Variants in MALRD1 observed in about 807,000 individuals in gnomAD.
MALRD1 encodes MAM and LDL receptor class A domain containing 1.
In MALRD1, 247 loss-of-function variants were observed where a neutral mutation model predicts 242.1. The observed-to-expected ratio is 1.02, with a 90% CI of 0.92 to 1.13. MALRD1 has a LOEUF of 1.13. MALRD1 is among the 50% of genes most tolerant of loss of function. The pLI is 0.00. For missense variants in MALRD1, 2,989 were observed against 2,533.1 expected (o/e 1.18, Z -3.86); for synonymous variants, 995 against 866.6 (o/e 1.15, Z -2.60).
intron 5 of MALRD1, among the ~76,000 whole-genome samples, chr10:19,118,921 G>T (rs1473338472): frequency 6.6e-6 from 1 of 152,174 alleles, no homozygotes; most frequent in East Asian, 1.9e-4. Flanking sequence ...CCATGGAAGG[G>T]CTTTAAGCAG....
intron 38 of MALRD1, among the ~76,000 whole-genome samples, chr10:19,713,116 C>A (rs916785105): frequency 1.3e-5 from 2 of 152,192 alleles, no homozygotes; most frequent in South Asian, 2.1e-4. Flanking sequence ...CTTCTTTCTT[C>A]TACCTTCTTC....
Position 19,701,354 on chromosome 10 carries a change from C to T in MALRD1, c.6314+8800C>T, listed in dbSNP as rs549875751. Reference sequence around the variant, plus strand: ...AGTGACCTCATAAGTGGATGCGGCCCGGATAGTTCTGGGGAATCATTTTGC... The same window carrying T: ...AGTGACCTCATAAGTGGATGCGGCCTGGATAGTTCTGGGGAATCATTTTGC... On this transcript the variant is annotated intron_variant, in intron 38 of 39. Transcript: ENST00000454679. Among the ~76,000 whole-genome samples, 13 of 152,092 alleles carry T rather than the reference C, an allele frequency of 8.5e-5. 1 individual carries two copies. In the South Asian group the frequency reaches 2.1e-3, roughly 24 times the overall value.
intron 33 of MALRD1, among the ~76,000 whole-genome samples, chr10:19,587,142 G>A (rs144766595): frequency 0.015 from 2,260 of 152,324 alleles, 31 homozygotes; most frequent in Non-Finnish European, 0.024. Context: ...TCCCTAGTGA[G>A]ATGAACCCGG....
chr10:19,596,985 A>G (rs1838131359), intron 34 of MALRD1, among the ~76,000 whole-genome samples: 1 of 152,150 alleles, frequency 6.6e-6, no homozygotes, highest in African/African-American at 2.4e-5. Context: ...TTGGAAGAAG[A>G]GTAAAGATGA....
At chr10:19,573,418 A>G (rs574451532) in intron 33 of MALRD1, among the ~76,000 whole-genome samples, 159 of 152,246 alleles carry the variant, frequency 1.0e-3, no homozygotes, top group Non-Finnish European at 2.0e-3. Flanking sequence ...GGCAGAAGAG[A>G]CAGCAAGGAA....
chr10:19,193,032 G>C (rs758000775), intron 14 of MALRD1, among the ~76,000 whole-genome samples: 13 of 151,970 alleles, frequency 8.6e-5, no homozygotes, highest in Non-Finnish European at 1.5e-4. Flanking sequence ...GTTCTTTTGT[G>C]CTCACAGGGA....
intron 38 of MALRD1, among the ~76,000 whole-genome samples, chr10:19,705,245 A>G (rs1468042741): frequency 1.3e-5 from 2 of 152,146 alleles, no homozygotes; most frequent in East Asian, 3.9e-4. Context: ...ACCGATGAAT[A>G]TTTATCCTTA....
intron 36 of MALRD1, among the ~76,000 whole-genome samples, chr10:19,637,449 G>C (rs1840188503): frequency 6.6e-6 from 1 of 152,140 alleles, no homozygotes; most frequent in Non-Finnish European, 1.5e-5. Context: ...ATTGTCACCA[G>C]GTAAAGTGAC....
chr10:19,496,773 T>G (rs2131239504), intron 30 of MALRD1, among the ~76,000 whole-genome samples: 1 of 152,220 alleles, frequency 6.6e-6, no homozygotes, highest in Non-Finnish European at 1.5e-5. Context: ...TTTAAATTAA[T>G]AGGGTCAGCC....
At chr10:19,357,615 A>T (rs114681562) in intron 26 of MALRD1, among the ~76,000 whole-genome samples, 2,682 of 152,200 alleles carry the variant, frequency 0.018, 68 homozygotes, top group African/African-American at 0.059. Flanking sequence ...TTGATGTCTC[A>T]TGAGTAGTGT....
chr10:19,628,866 G>A (rs1410738338), intron 36 of MALRD1, among the ~76,000 whole-genome samples: 4 of 152,092 alleles, frequency 2.6e-5, no homozygotes, highest in Admixed American at 2.0e-4. Context: ...AGTGTCCTGC[G>A]GATGAATGTG....
At chr10:19,069,632 C>T (rs931857463) in intron 2 of MALRD1, among the ~76,000 whole-genome samples, 3 of 151,582 alleles carry the variant, frequency 2.0e-5, no homozygotes, top group Non-Finnish European at 4.4e-5. Flanking sequence ...ATTTTGCCTT[C>T]ATTCTTGAAA....
rs187028362 is a variant in MALRD1, at chr10:19,498,500, C to A, written c.5174C>A (p.Thr1725Lys). 9.0e-6 allele frequency: 14 copies of A among 1,550,030 alleles called. No homozygotes were observed. The highest frequency in any genetic ancestry group is 1.2e-5 in the Non-Finnish European group (14 of 1,146,728). ...GCTTCCCCAGCACATTATACAAGCA[C>A]AACAGGAAGCTGCAATTTTGAAACA... Reference protein sequence around the residue: ...DEAHCAHYTSTTGSCNFETSS... With the variant: ...DEAHCAHYTSKTGSCNFETSS... Residue 1725 changes from threonine (T) to lysine (K), a missense_variant, in exon 31 of 40, where the codon ACA becomes AAA. Coordinates refer to ENST00000454679, the MANE Select transcript of MALRD1 (RefSeq NM_001142308.3).
At chr10:19,311,625 C>A (rs530150991) in intron 21 of MALRD1, among the ~76,000 whole-genome samples, 1 of 151,384 alleles carries the variant, frequency 6.6e-6, no homozygotes, top group East Asian at 1.9e-4. Context: ...AAATTATGAA[C>A]AATCTATATG....
At position 19,730,715 on chromosome 10, in the gene MALRD1, G is replaced by C; in HGVS notation, c.6324G>C (p.Glu2108Asp). 6.5e-7 allele frequency: 1 copy of C among 1,536,610 alleles called. No homozygotes were observed. Among genetic ancestry groups the C allele is most frequent in the Non-Finnish European group, 8.7e-7 (1 of 1,147,012 alleles). Reference sequence around the variant, plus strand: ...CCCTGTGTGCTTTAAGGAAAACCGAGGGAAGTGGTAACTGTGCCTTTGTCA... The same window carrying C: ...CCCTGTGTGCTTTAAGGAAAACCGACGGAAGTGGTAACTGTGCCTTTGTCA... ...ANRKVPIRKT[E>D]GSGNCAFVNP... Residue 2108 changes from glutamate to aspartate, a missense_variant, in exon 39 of 40, where the codon GAG becomes GAC. Transcript: ENST00000454679.
intron 30 of MALRD1, among the ~76,000 whole-genome samples, chr10:19,497,374 A>G (rs1298612980): frequency 6.6e-6 from 1 of 151,380 alleles, no homozygotes; most frequent in African/African-American, 2.4e-5. Flanking sequence ...TACAAGAAGC[A>G]ATAGATTATA....
intron 5 of MALRD1, among the ~76,000 whole-genome samples, chr10:19,118,530 G>T (rs1043442308): frequency 1.3e-5 from 2 of 152,208 alleles, no homozygotes; most frequent in Admixed American, 6.5e-5. Flanking sequence ...AGAAAGTAAT[G>T]TGTAAGTTAC....
At chr10:19,473,550 C>T (rs907449751) in intron 29 of MALRD1, among the ~76,000 whole-genome samples, 1 of 152,008 alleles carries the variant, frequency 6.6e-6, no homozygotes, top group Non-Finnish European at 1.5e-5. Flanking sequence ...CTCTGGGTGC[C>T]ACACATGAGT....
At chr10:19,501,421 TA>T (rs1302969983) in intron 31 of MALRD1, among the ~76,000 whole-genome samples, 4 of 152,180 alleles carry the variant, frequency 2.6e-5, no homozygotes, top group African/African-American at 9.7e-5. Context: ...AGGTAACTTG[TA>T]AAATCCACAA....
Sources: allele counts gnomAD v4.1 joint callset (sites outside exome capture counted in the v4.1 genomes callset), GRCh38; gene constraint gnomAD v4.1.1; transcripts MANE v1.5; gene names NCBI Gene and HGNC (gene_info 2026-07-23, HGNC 2026-07-21).